Variants in MAGI1 observed in about 807,000 individuals in gnomAD.
The protein encoded by MAGI1 is membrane associated guanylate kinase, WW and PDZ domain containing 1.
In MAGI1, 58 loss-of-function variants were observed where a neutral mutation model predicts 139.9. The observed-to-expected ratio is 0.41, with a 90% CI of 0.34 to 0.52. The LOEUF is 0.52. Among genes scored for constraint, MAGI1 ranks in the 20% least tolerant of loss-of-function variants. The probability of loss-of-function intolerance (pLI) is 0.12; values close to 1 mark genes in which losing one functional copy is unlikely to be tolerated. For missense variants in MAGI1, 1,874 were observed against 1,901.6 expected (o/e 0.99, Z 0.27); for synonymous variants, 812 against 737.9 (o/e 1.10, Z -1.63).
intron 1 of MAGI1, among the ~76,000 whole-genome samples, chr3:65,857,684 T>G (rs147387574): frequency 2.4e-3 from 369 of 152,264 alleles, no homozygotes; most frequent in African/African-American, 8.5e-3. Context: ...TTTATAAACT[T>G]TAGATGCTGT....
At chr3:65,844,535 T>A in intron 1 of MAGI1, 1 of 217,356 alleles carries the variant, frequency 4.6e-6, no homozygotes, top group Admixed American at 5.9e-5. Context: ...GCCCTGAAGT[T>A]TTAACATATT....
At chr3:65,644,946 G>A (rs556053270) in intron 1 of MAGI1, among the ~76,000 whole-genome samples, 2 of 149,690 alleles carry the variant, frequency 1.3e-5, no homozygotes, top group South Asian at 4.2e-4. Flanking sequence ...GCAGTGAGCC[G>A]AGATTACACC....
chr3:65,722,870 C>T (rs62243981), intron 1 of MAGI1, among the ~76,000 whole-genome samples: 17,214 of 150,690 alleles, frequency 0.11, 1,398 homozygotes, highest in Non-Finnish European at 0.17. Flanking sequence ...CTGTTTCTAA[C>T]GGTGAATACT....
At chr3:65,758,231 G>C (rs1326716425) in intron 1 of MAGI1, among the ~76,000 whole-genome samples, 2 of 152,180 alleles carry the variant, frequency 1.3e-5, no homozygotes, top group East Asian at 3.8e-4. Context: ...TCCACAGCAA[G>C]ACATAAAGCG....
At chr3:65,675,040 C>T (rs1227160494) in intron 1 of MAGI1, among the ~76,000 whole-genome samples, 1 of 151,940 alleles carries the variant, frequency 6.6e-6, no homozygotes, top group Non-Finnish European at 1.5e-5. Context: ...TGCTGTATCT[C>T]GTAAGATAAA....
intron 1 of MAGI1, among the ~76,000 whole-genome samples, chr3:65,971,776 ACTTTAACCAGCT>A (rs1235443916): frequency 6.6e-6 from 1 of 152,118 alleles, no homozygotes; most frequent in African/African-American, 2.4e-5. Flanking sequence ...ACTTCCCTGG[ACTTTAACCAGCT>A]CTACTTCTCT....
At position 65,683,484 on chromosome 3, in the gene MAGI1, AG is replaced by A. The variant is rs542139715; in HGVS notation, c.314-61397del. On this transcript the variant is annotated intron_variant, in intron 1 of 22. Coordinates refer to ENST00000402939, the MANE Select transcript of MAGI1 (RefSeq NM_001033057.2). ...AAAAAATAAAGCCTTATTAAAAAAA[AG>A]AAAAGAAAAAAAAGACAAGCTATAG... Among the ~76,000 whole-genome samples, 59 of 151,374 alleles carry A rather than the reference AG, an allele frequency of 3.9e-4. 1 individual carries two copies. The South Asian group carries it at 4.8e-3, about 12-fold the overall frequency.
At chr3:65,390,954 A>C (rs116534560) in intron 14 of MAGI1, among the ~76,000 whole-genome samples, 188 bp downstream of exon 14, 120 of 152,266 alleles carry the variant, frequency 7.9e-4, no homozygotes, top group African/African-American at 2.8e-3. Flanking sequence ...CCCTCCCCAA[A>C]GTGAAGGCAT....
At chr3:65,378,398 T>TA (rs935044377) in intron 17 of MAGI1, among the ~76,000 whole-genome samples, 93 of 152,118 alleles carry the variant, frequency 6.1e-4, no homozygotes, top group African/African-American at 2.0e-3. Flanking sequence ...TATTTAAAAT[T>TA]AAAAAAAATT....
At chr3:65,930,363 A>T (rs2062753771) in intron 1 of MAGI1, among the ~76,000 whole-genome samples, 1 of 151,232 alleles carries the variant, frequency 6.6e-6, no homozygotes, top group South Asian at 2.1e-4. Context: ...TCTAAAGGAA[A>T]AACCAAGGTC....
intron 12 of MAGI1, among the ~76,000 whole-genome samples, chr3:65,412,032 T>C (rs1012208509): frequency 2.0e-5 from 3 of 152,156 alleles, no homozygotes; most frequent in African/African-American, 7.2e-5. Flanking sequence ...AGAAATCAGA[T>C]TGTACTGTCT....
At chr3:65,520,825 C>G (rs895397189) in intron 2 of MAGI1, among the ~76,000 whole-genome samples, 1 of 152,170 alleles carries the variant, frequency 6.6e-6, no homozygotes, top group Non-Finnish European at 1.5e-5. Context: ...CTTTCAGAAG[C>G]CTTTCGTGAC....
At chr3:65,843,295 C>G (rs2058872476) in intron 1 of MAGI1, among the ~76,000 whole-genome samples, 1 of 152,230 alleles carries the variant, frequency 6.6e-6, no homozygotes, top group East Asian at 1.9e-4. Flanking sequence ...CAAGGACTGT[C>G]AACCAGGAGA....
At chr3:65,493,210 C>T (rs1410434383) in intron 3 of MAGI1, among the ~76,000 whole-genome samples, 1 of 152,040 alleles carries the variant, frequency 6.6e-6, no homozygotes, top group Non-Finnish European at 1.5e-5. Flanking sequence ...TGTGATTAAC[C>T]ATGATTCTTC....
intron 14 of MAGI1, among the ~76,000 whole-genome samples, chr3:65,386,694 A>G (rs1943471088): frequency 6.6e-6 from 1 of 152,196 alleles, no homozygotes; most frequent in South Asian, 2.1e-4. Context: ...CATTTTCCCA[A>G]TATTAATATC....
intron 1 of MAGI1, among the ~76,000 whole-genome samples, chr3:65,651,266 T>C (rs1205041380): frequency 6.6e-6 from 1 of 152,192 alleles, no homozygotes; most frequent in Non-Finnish European, 1.5e-5. Flanking sequence ...TGCCTGGTTT[T>C]AGCCAATTCA....
At chr3:65,937,593 C>T (rs1272066910) in intron 1 of MAGI1, among the ~76,000 whole-genome samples, 2 of 152,092 alleles carry the variant, frequency 1.3e-5, no homozygotes, top group African/African-American at 2.4e-5. Context: ...TGTGTGTTTG[C>T]TAGGTGGCTT....
chr3:65,940,151 G>A (rs1416490239), intron 1 of MAGI1, among the ~76,000 whole-genome samples: 4 of 152,112 alleles, frequency 2.6e-5, no homozygotes, highest in African/African-American at 7.2e-5. Context: ...ACACCCAGGG[G>A]AGTGTTCTCC....
intron 2 of MAGI1, among the ~76,000 whole-genome samples, chr3:65,591,843 T>C (rs555822618): frequency 3.5e-4 from 54 of 152,320 alleles, no homozygotes; most frequent in African/African-American, 1.3e-3. Context: ...CCTTCCCTCA[T>C]GCATTCAGGT....
Sources: allele counts gnomAD v4.1 joint callset (sites outside exome capture counted in the v4.1 genomes callset), GRCh38; gene constraint gnomAD v4.1.1; transcripts MANE v1.5; gene names NCBI Gene and HGNC (gene_info 2026-07-23, HGNC 2026-07-21).